MYO3A: variants seen among roughly 807,000 people sequenced by gnomAD.
MYO3A encodes the protein myosin-IIIa.
A neutral mutation model predicts 192.7 loss-of-function variants in MYO3A; 180 were observed. The observed-to-expected ratio is 0.93, with a 90% CI of 0.83 to 1.06. MYO3A has a LOEUF of 1.06. Among genes scored for constraint, MYO3A ranks in the 50% least tolerant of loss-of-function variants. The pLI is 0.00. For synonymous variants in MYO3A, 628 were observed against 645.3 expected, an observed-to-expected ratio of 0.97 and a Z score of 0.41; for missense variants, 1,896 against 1,905.0, an observed-to-expected ratio of 1.00 and a Z score of 0.09.
chr10:26,154,951 G>A lies in MYO3A; in HGVS notation c.2793+128G>A, dbSNP rs957677987. 5.8e-5 allele frequency: 47 copies of A among 807,022 alleles called. No individual in the cohort carries two copies. The East Asian group carries it at 1.3e-3, about 22-fold the overall frequency. 50.0% of individuals were successfully genotyped at this position (807,022 alleles called of 1,614,324 possible). On this transcript the variant is annotated intron_variant, in intron 25 of 34. Coordinates refer to ENST00000642920, the MANE Select transcript of MYO3A (RefSeq NM_017433.5). Reference sequence around the variant, plus strand: ...ATTCCATTTACTATTGTTAGATACAGGATATGTTAGCATCTACCTTCAAAA... The same window carrying A: ...ATTCCATTTACTATTGTTAGATACAAGATATGTTAGCATCTACCTTCAAAA...
intron 17 of MYO3A, among the ~76,000 whole-genome samples, chr10:26,105,538 T>C (rs1020212930): frequency 6.6e-6 from 1 of 152,114 alleles, no homozygotes; most frequent in African/African-American, 2.4e-5. Context: ...GCCCCTTTTA[T>C]TGAATTATTT....
At chr10:26,151,284 G>A (rs190720988) in intron 23 of MYO3A, among the ~76,000 whole-genome samples, 7 of 151,882 alleles carry the variant, frequency 4.6e-5, no homozygotes, top group Admixed American at 4.6e-4. Context: ...TTAAATATTT[G>A]GCTATAGCTG....
At chr10:26,108,807 C>T (rs1300499386) in intron 17 of MYO3A, among the ~76,000 whole-genome samples, 3 of 152,166 alleles carry the variant, frequency 2.0e-5, no homozygotes, top group Non-Finnish European at 1.5e-5. Context: ...GGAATGTTTT[C>T]AAGACCTTAC....
chr10:26,138,527 AT>A (rs202215958), intron 20 of MYO3A, among the ~76,000 whole-genome samples: 2,520 of 152,354 alleles, frequency 0.017, 34 homozygotes, highest in Non-Finnish European at 0.025. Flanking sequence ...AGATTATGTT[AT>A]GATAATAATA....
chr10:26,159,700 C>T (rs768230564), intron 26 of MYO3A, among the ~76,000 whole-genome samples: 1 of 152,096 alleles, frequency 6.6e-6, no homozygotes, highest in Non-Finnish European at 1.5e-5. Flanking sequence ...TCTTTAGAGA[C>T]CTGGGATTAT....
At chr10:25,934,817 G>A (rs557666524) in intron 1 of MYO3A, among the ~76,000 whole-genome samples, 195 of 151,978 alleles carry the variant, frequency 1.3e-3, no homozygotes, top group Non-Finnish European at 2.0e-3. Context: ...GAGGGAACGG[G>A]AGGGGTGAAC....
At chr10:25,979,148 A>G (rs1217116265) in intron 4 of MYO3A, among the ~76,000 whole-genome samples, 1 of 152,156 alleles carries the variant, frequency 6.6e-6, no homozygotes. Context: ...TTAGTATACA[A>G]TCAATTGTGA....
intron 34 of MYO3A, among the ~76,000 whole-genome samples, chr10:26,206,163 C>T (rs548792999): frequency 6.0e-5 from 9 of 150,064 alleles, no homozygotes; most frequent in South Asian, 2.1e-4. Flanking sequence ...CAGGTTCAAG[C>T]GAGTCTCCTG....
intron 20 of MYO3A, among the ~76,000 whole-genome samples, chr10:26,133,355 G>A (rs1272667138): frequency 6.6e-6 from 1 of 152,190 alleles, no homozygotes; most frequent in Middle Eastern, 3.2e-3. Flanking sequence ...CACGTGGTTG[G>A]TTGGTTGGAG....
rs1842314107 is a variant in MYO3A at position 26,021,667 on chromosome 10, G to T, written c.731+19G>T. 5 of 1,613,914 alleles carry T rather than the reference G, an allele frequency of 3.1e-6. No individual in the cohort carries two copies. In the Admixed American group the frequency reaches 6.7e-5, roughly 22 times the overall value. On this transcript the variant is annotated intron_variant, in intron 8 of 34. Coordinates refer to ENST00000642920, the MANE Select transcript of MYO3A (RefSeq NM_017433.5). Reference sequence around the variant, plus strand: ...TACCAAGGTCAGATGACTAACATTGGGTCCAGTATCTGCAGCCCGATTTAC... The same window carrying T: ...TACCAAGGTCAGATGACTAACATTGTGTCCAGTATCTGCAGCCCGATTTAC...
rs1841201827 is a variant in MYO3A, at chr10:26,157,385, G to A, written c.2869G>A (p.Glu957Lys). 5.6e-6 allele frequency: 9 copies of A among 1,614,124 alleles called. No homozygotes were observed. The highest frequency in any genetic ancestry group is 7.6e-6 in the Non-Finnish European group (9 of 1,180,006). Residue 957 changes from glutamate to lysine, a missense_variant, in exon 26 of 35, where the codon GAG (glutamate) becomes AAG (lysine). By Grantham distance (56) the Glu-to-Lys change is moderately conservative. Coordinates refer to ENST00000642920, the MANE Select transcript of MYO3A (RefSeq NM_017433.5). ...TGTCCGTTGCATCAAACCAAATAGTGAGCGTCAGGCAAGAAAATATGACAA... is the reference window on the plus strand; with the variant it reads ...TGTCCGTTGCATCAAACCAAATAGTAAGCGTCAGGCAAGAAAATATGACAA... ...HFVRCIKPNS[E>K]RQARKYDKEK...
chr10:26,024,971 TGTAACTCCAGTGTCTAGCAGA>T (rs963917308), intron 9 of MYO3A, among the ~76,000 whole-genome samples: 4 of 152,344 alleles, frequency 2.6e-5, no homozygotes, highest in East Asian at 1.9e-4. Flanking sequence ...TACTTGTCAC[TGTAACTCCAGTGTCTAGCAGA>T]GTAACTCCAG....
intron 10 of MYO3A, among the ~76,000 whole-genome samples, chr10:26,043,212 A>G (rs1427606453): frequency 6.7e-6 from 1 of 149,774 alleles, no homozygotes; most frequent in Non-Finnish European, 1.5e-5. Flanking sequence ...TAGGGATGAG[A>G]TGACACAAGC....
In MYO3A at chr10:25,959,315, G is replaced by A. The variant is rs189907136; in HGVS notation, c.303+4307G>A. On this transcript the variant is annotated intron_variant, in intron 4 of 34. Transcript: ENST00000642920. ...TTCAGATAGTTTTAATCATTGTTATGTTTTTCAAAGTAAATACATTCACTT... is the reference window on the plus strand; with the variant it reads ...TTCAGATAGTTTTAATCATTGTTATATTTTTCAAAGTAAATACATTCACTT... Among the ~76,000 whole-genome samples the A allele has an allele frequency of 1.8e-3, 274 of 152,082 alleles. 1 individual carries two copies. The highest frequency in any genetic ancestry group is 6.3e-3 in the African/African-American group (262 of 41,492).
chr10:26,020,742 C>G (rs1203242375), intron 7 of MYO3A, among the ~76,000 whole-genome samples: 1 of 152,172 alleles, frequency 6.6e-6, no homozygotes, highest in African/African-American at 2.4e-5. Context: ...TGTACTTACA[C>G]ATTTAGAACT....
At chr10:26,096,798 A>T in intron 17 of MYO3A, 116 bp downstream of exon 17, 2 of 732,152 alleles carry the variant, frequency 2.7e-6, no homozygotes, top group East Asian at 5.3e-5. Flanking sequence ...CATAAATTGA[A>T]ACAGCATTAT....
At chr10:26,148,336 C>G (rs953796186) in intron 23 of MYO3A, among the ~76,000 whole-genome samples, 1 of 152,136 alleles carries the variant, frequency 6.6e-6, no homozygotes, top group Non-Finnish European at 1.5e-5. Flanking sequence ...TATTTCTGGA[C>G]TCTTTATTGG....
chr10:26,080,536 GT>G (rs146699943), intron 14 of MYO3A, among the ~76,000 whole-genome samples: 22,558 of 90,182 alleles, frequency 0.25, 2,140 homozygotes, highest in Middle Eastern at 0.31. Flanking sequence ...GTAAATCTGG[GT>G]TTTTTTTTTT....
intron 2 of MYO3A, among the ~76,000 whole-genome samples, chr10:25,937,615 G>C (rs1391936159): frequency 6.6e-6 from 1 of 152,040 alleles, no homozygotes; most frequent in Non-Finnish European, 1.5e-5. Context: ...TTTTTTGGAG[G>C]CTCACTAACA....
Sources: allele counts gnomAD v4.1 joint callset (sites outside exome capture counted in the v4.1 genomes callset), GRCh38; gene constraint gnomAD v4.1.1; transcripts MANE v1.5; gene names NCBI Gene and HGNC (gene_info 2026-07-23, HGNC 2026-07-21).